The following SOBP variants were observed in gnomAD, a reference collection of about 807,000 sequenced individuals.
SOBP encodes the protein sine oculis-binding protein homolog.
SOBP carries 4 observed loss-of-function variants against 53.6 expected under a neutral mutation model. The observed-to-expected ratio is 0.07, with a 90% CI of 0.04 to 0.17. The LOEUF is 0.17. Ranked by LOEUF, SOBP falls within the 10% of genes least tolerant of loss-of-function variation. The pLI is 1.00. For synonymous variants in SOBP, 584 were observed against 522.6 expected, an observed-to-expected ratio of 1.12 and a Z score of -1.60; for missense variants, 1,088 against 1,204.7, an observed-to-expected ratio of 0.90 and a Z score of 1.43.
intron 3 of SOBP, among the ~76,000 whole-genome samples, chr6:107,526,104 T>G (rs1401462610): frequency 6.6e-6 from 1 of 151,996 alleles, no homozygotes; most frequent in Non-Finnish European, 1.5e-5. Flanking sequence ...GCCGCCACCA[T>G]GCCTGGCTAA....
intron 3 of SOBP, among the ~76,000 whole-genome samples, chr6:107,533,249 T>A (rs1459939877): frequency 2.7e-5 from 3 of 111,190 alleles, no homozygotes; most frequent in Non-Finnish European, 5.2e-5. Flanking sequence ...TTTAAGTAAA[T>A]GTCTTTTGGA....
chr6:107,658,402 T>C lies in SOBP; in HGVS notation c.*199T>C, dbSNP rs1344464707. On this transcript the variant is annotated 3_prime_UTR_variant, in exon 7 of 7. Coordinates refer to ENST00000317357, the MANE Select transcript of SOBP (RefSeq NM_018013.4). ...CCTCTAGCCCAGAGAAGCCCGCGCA[T>C]CTTGGACCCACCAAGCAGGCCCAGC... is the stretch of plus-strand genomic sequence containing the variant. 6.6e-6 allele frequency: 1 copy of C among 152,608 alleles called. No homozygotes were observed. Among genetic ancestry groups the C allele is most frequent in the Non-Finnish European group, 1.5e-5 (1 of 68,074 alleles). 9.5% of individuals were successfully genotyped at this position (152,608 alleles called of 1,614,324 possible). A position where few individuals can be genotyped will look rare whatever the true frequency, so the allele number is the denominator to read the frequency against.
intron 3 of SOBP, among the ~76,000 whole-genome samples, chr6:107,532,475 A>G (rs1783860094): frequency 6.6e-6 from 1 of 151,924 alleles, no homozygotes; most frequent in Non-Finnish European, 1.5e-5. Flanking sequence ...ACTTCTGACC[A>G]CCTGCACTAT....
chr6:107,601,460 A>G (rs1786177553), intron 5 of SOBP, among the ~76,000 whole-genome samples: 1 of 152,252 alleles, frequency 6.6e-6, no homozygotes, highest in South Asian at 2.1e-4. Flanking sequence ...ATTAGGTTTA[A>G]AAATAAGTGT....
Position 107,522,746 on chromosome 6 carries a change from G to A in SOBP, c.422-10713G>A, listed in dbSNP as rs1395387999. ...TTTTGTAGAGATGGTGTTTCACCAT[G>A]TTGCCCAGGCTGGTCTCAAACTCCT... On this transcript the variant is annotated intron_variant, in intron 3 of 6. Coordinates refer to ENST00000317357, the MANE Select transcript of SOBP (RefSeq NM_018013.4). 2.6e-5 allele frequency among the ~76,000 whole-genome samples: 4 copies of A among 151,828 alleles called. No individual in the cohort carries two copies. The East Asian group carries it at 7.7e-4, about 29-fold the overall frequency.
At chr6:107,516,633 C>T (rs2114964563) in intron 3 of SOBP, among the ~76,000 whole-genome samples, 1 of 152,224 alleles carries the variant, frequency 6.6e-6, no homozygotes, top group South Asian at 2.1e-4. Context: ...TACAGTCAAT[C>T]TACAGGTTAA....
At chr6:107,595,122 C>T (rs962189682) in intron 5 of SOBP, among the ~76,000 whole-genome samples, 3 of 152,168 alleles carry the variant, frequency 2.0e-5, no homozygotes, top group African/African-American at 7.2e-5. Flanking sequence ...CCAGAAAGAA[C>T]ATCTATGGGG....
chr6:107,553,164 T>C (rs936734713), intron 4 of SOBP, among the ~76,000 whole-genome samples: 1 of 151,958 alleles, frequency 6.6e-6, no homozygotes, highest in African/African-American at 2.4e-5. Context: ...GTTTGAATCA[T>C]GGCCTTCTTT....
intron 3 of SOBP, among the ~76,000 whole-genome samples, chr6:107,522,206 G>A (rs1783521031): frequency 6.6e-6 from 1 of 152,166 alleles, no homozygotes; most frequent in Non-Finnish European, 1.5e-5. Flanking sequence ...ACAGGTGTGA[G>A]GCTGGCCTGG....
intron 6 of SOBP, among the ~76,000 whole-genome samples, chr6:107,647,905 G>T (rs189716921): frequency 6.6e-6 from 1 of 152,282 alleles, no homozygotes; most frequent in Non-Finnish European, 1.5e-5. Context: ...TTAAAGGGTT[G>T]CAGGAAAGCA....
chr6:107,651,348 A>G, intron 6 of SOBP, among the ~76,000 whole-genome samples: 1 of 152,238 alleles, frequency 6.6e-6, no homozygotes, highest in Non-Finnish European at 1.5e-5. Context: ...TATAGAGAAA[A>G]TTTGAGTGGT....
At chr6:107,562,844 G>A (rs900304267) in intron 4 of SOBP, among the ~76,000 whole-genome samples, 1 of 152,166 alleles carries the variant, frequency 6.6e-6, no homozygotes, top group African/African-American at 2.4e-5. Flanking sequence ...ATGGCATGAT[G>A]TCTCAGAATT....
chr6:107,571,953 G>A (rs2115039061), intron 4 of SOBP, among the ~76,000 whole-genome samples: 1 of 152,302 alleles, frequency 6.6e-6, no homozygotes, highest in South Asian at 2.1e-4. Flanking sequence ...GGGACGAGGA[G>A]AAATAGCAAT....
At chr6:107,523,035 G>A (rs750065286) in intron 3 of SOBP, among the ~76,000 whole-genome samples, 14 of 152,190 alleles carry the variant, frequency 9.2e-5, no homozygotes, top group Non-Finnish European at 1.6e-4. Context: ...TGTGTATGCA[G>A]CTTTGGACTT....
intron 3 of SOBP, among the ~76,000 whole-genome samples, chr6:107,511,106 A>G (rs1030393087): frequency 6.6e-6 from 1 of 152,196 alleles, no homozygotes; most frequent in Non-Finnish European, 1.5e-5. Flanking sequence ...CTGAAGTTCA[A>G]ATAGGTTAAA....
chr6:107,618,634 T>A (rs1786891694), intron 5 of SOBP, among the ~76,000 whole-genome samples: 1 of 152,246 alleles, frequency 6.6e-6, no homozygotes, highest in South Asian at 2.1e-4. Flanking sequence ...CAGTCCTTTG[T>A]GTATAAATAC....
intron 5 of SOBP, among the ~76,000 whole-genome samples, chr6:107,625,575 T>C (rs1770424136): frequency 6.6e-6 from 1 of 152,144 alleles, no homozygotes; most frequent in African/African-American, 2.4e-5. Flanking sequence ...GCAGTGCCCT[T>C]GACCTGGGCC....
rs1771022933 is a variant in SOBP at position 107,635,982 on chromosome 6, A to G, written c.*3+513A>G. 6.6e-6 allele frequency among the ~76,000 whole-genome samples: 1 copy of G among 152,198 alleles called. No homozygotes were observed. The highest frequency in any genetic ancestry group is 2.4e-5 in the African/African-American group (1 of 41,438). ...AGAATGTCACCAAATTTTCTTGATA[A>G]GGACGGGATTCCATTTGTAAAGTGA... On this transcript the variant is annotated intron_variant, in intron 6 of 6. Transcript: ENST00000317357. This position sits in a 1 kb window ranked among gnomAD's most constrained non-coding sequence, Gnocchi z 4.5.
At chr6:107,552,579 A>T (rs6942222) in intron 4 of SOBP, among the ~76,000 whole-genome samples, 87,479 of 151,996 alleles carry the variant, frequency 0.58, 28,780 homozygotes, top group East Asian at 0.9. Flanking sequence ...AGGGATAGAC[A>T]CTCACCATGT....
Sources: gnomAD v4.1 joint callset for allele counts (sites outside exome capture counted in the v4.1 genomes callset) on GRCh38, gnomAD v4.1.1 for gene constraint, Gnocchi (gnomAD v3.1) non-coding constraint, MANE v1.5 for transcripts, NCBI Gene and HGNC (gene_info 2026-07-23, HGNC 2026-07-21) for gene names.